The following PTPRD variants were observed in gnomAD, a reference collection of about 807,000 sequenced individuals.
PTPRD encodes the protein receptor-type tyrosine-protein phosphatase delta.
PTPRD carries 34 observed loss-of-function variants against 214.5 expected under a neutral mutation model. That is an observed-to-expected ratio of 0.16 (90% CI 0.12 to 0.21). PTPRD has a LOEUF of 0.21. PTPRD is among the 10% of genes least tolerant of loss of function. The pLI is 1.00. For synonymous variants in PTPRD, 1,128 were observed against 845.7 expected (o/e 1.33, Z -5.79); for missense variants, 2,545 against 2,398.7 (o/e 1.06, Z -1.27).
At chr9:9,840,705 T>C (rs887168351) in intron 5 of PTPRD, among the ~76,000 whole-genome samples, 5 of 125,960 alleles carry the variant, frequency 4.0e-5, no homozygotes, top group South Asian at 5.1e-4. Flanking sequence ...AGAGCTTGCA[T>C]TGAGCCAAGA....
At chr9:10,399,943 T>A (rs1230783344) in intron 2 of PTPRD, among the ~76,000 whole-genome samples, 1 of 151,882 alleles carries the variant, frequency 6.6e-6, no homozygotes, top group Non-Finnish European at 1.5e-5. Context: ...ATATTTATGC[T>A]GTTGGCAATG....
At chr9:10,580,335 G>C (rs1008002242) in intron 2 of PTPRD, among the ~76,000 whole-genome samples, 2 of 152,096 alleles carry the variant, frequency 1.3e-5, no homozygotes, top group Non-Finnish European at 2.9e-5. Context: ...TTTGTCTTGG[G>C]AATGTGATTT....
intron 5 of PTPRD, among the ~76,000 whole-genome samples, chr9:9,937,429 A>T (rs2089945902): frequency 1.3e-5 from 2 of 151,242 alleles, no homozygotes; most frequent in South Asian, 4.2e-4. Flanking sequence ...AGATAAATAA[A>T]AAAAAAAAAT....
intron 9 of PTPRD, among the ~76,000 whole-genome samples, chr9:9,380,895 A>G (rs957766468): frequency 2.0e-5 from 3 of 152,116 alleles, no homozygotes; most frequent in Non-Finnish European, 4.4e-5. Flanking sequence ...AATAATTGTT[A>G]CGTCTTCTTG....
intron 30 of PTPRD, among the ~76,000 whole-genome samples, chr9:8,475,404 C>A (rs950717253): frequency 3.3e-5 from 5 of 152,156 alleles, no homozygotes; most frequent in African/African-American, 7.2e-5. Context: ...TCATCTGCGG[C>A]CCAGCTACAA....
chr9:8,811,476 A>G (rs2096801694), intron 11 of PTPRD, among the ~76,000 whole-genome samples: 2 of 152,202 alleles, frequency 1.3e-5, no homozygotes, highest in Non-Finnish European at 2.9e-5. Context: ...GAATAAATGA[A>G]TATAATTTTT....
At chr9:8,589,667 T>A (rs2093946437) in intron 14 of PTPRD, among the ~76,000 whole-genome samples, 1 of 152,172 alleles carries the variant, frequency 6.6e-6, no homozygotes, top group Non-Finnish European at 1.5e-5. Context: ...GCAGGGGTTG[T>A]TCCTCTCCAG....
At chr9:10,600,885 C>T (rs995563189) in intron 2 of PTPRD, among the ~76,000 whole-genome samples, 2 of 151,638 alleles carry the variant, frequency 1.3e-5, no homozygotes, top group South Asian at 2.1e-4. Context: ...TATAATATTA[C>T]AAAATATGAG....
intron 8 of PTPRD, among the ~76,000 whole-genome samples, chr9:9,474,946 C>T (rs537776657): frequency 6.6e-6 from 1 of 152,056 alleles, no homozygotes; most frequent in African/African-American, 2.4e-5. Flanking sequence ...CCTAACTTCT[C>T]TAGCTGGAAC....
chr9:8,667,510 A>C (rs2097194374), intron 12 of PTPRD, among the ~76,000 whole-genome samples: 1 of 152,200 alleles, frequency 6.6e-6, no homozygotes, highest in Admixed American at 6.5e-5. Flanking sequence ...CATGACACCG[A>C]AAGTGAAAAA....
intron 8 of PTPRD, among the ~76,000 whole-genome samples, chr9:9,545,405 T>C (rs73407044): frequency 0.033 from 5,066 of 151,958 alleles, 262 homozygotes; most frequent in African/African-American, 0.11. Context: ...ATACAATATG[T>C]AGCCTTTTCA....
chr9:10,584,158 C>T (rs990602207), intron 2 of PTPRD, among the ~76,000 whole-genome samples: 3 of 149,490 alleles, frequency 2.0e-5, no homozygotes, highest in African/African-American at 7.4e-5. Flanking sequence ...CACAAGTGCT[C>T]TAGCATGACT....
At chr9:10,359,367 T>A (rs2097335226) in intron 2 of PTPRD, among the ~76,000 whole-genome samples, 1 of 152,048 alleles carries the variant, frequency 6.6e-6, no homozygotes. Context: ...ATTCCCCCAG[T>A]TTTACTCCCC....
intron 3 of PTPRD, among the ~76,000 whole-genome samples, chr9:10,177,633 C>T (rs945409934): frequency 1.3e-5 from 2 of 151,642 alleles, no homozygotes; most frequent in Admixed American, 6.6e-5. Context: ...CTGCTGTCAA[C>T]GGGAATGAAA....
intron 39 of PTPRD, among the ~76,000 whole-genome samples, chr9:8,347,577 C>A (rs1435073352): frequency 6.6e-6 from 1 of 152,134 alleles, no homozygotes; most frequent in Non-Finnish European, 1.5e-5. Flanking sequence ...GCCATTGAAA[C>A]TGAAATCTGT....
At chr9:10,452,522 G>A (rs935063324) in intron 2 of PTPRD, among the ~76,000 whole-genome samples, 1 of 151,540 alleles carries the variant, frequency 6.6e-6, no homozygotes, top group African/African-American at 2.4e-5. Context: ...CCTAACATGT[G>A]GGAAGGAATA....
intron 2 of PTPRD, among the ~76,000 whole-genome samples, chr9:10,556,305 G>C (rs553438759): frequency 3.3e-5 from 5 of 151,970 alleles, no homozygotes; most frequent in African/African-American, 1.2e-4. Flanking sequence ...TACAATGTAT[G>C]TGATCTTAAT....
intron 4 of PTPRD, among the ~76,000 whole-genome samples, chr9:9,956,572 G>C (rs539157541): frequency 5.9e-5 from 9 of 151,830 alleles, no homozygotes; most frequent in African/African-American, 2.2e-4. Context: ...TTTGTTATGT[G>C]GTTTATCATT....
intron 7 of PTPRD, among the ~76,000 whole-genome samples, chr9:9,730,129 C>T (rs1031110951): frequency 6.6e-6 from 1 of 151,976 alleles, no homozygotes; most frequent in African/African-American, 2.4e-5. Flanking sequence ...AAGAAATACA[C>T]TTTTTAAACT....
Sources: allele counts gnomAD v4.1 joint callset (sites outside exome capture counted in the v4.1 genomes callset), GRCh38; gene constraint gnomAD v4.1.1; transcripts MANE v1.5; gene names NCBI Gene and HGNC (gene_info 2026-07-23, HGNC 2026-07-21).